The following CTSB variants were observed in gnomAD, a reference collection of about 807,000 sequenced individuals.
CTSB encodes the protein APP secretase.
Under a neutral mutation model 44.3 loss-of-function variants are expected in CTSB, and 57 were observed. That is an observed-to-expected ratio of 1.29 (90% CI 1.04 to 1.60). The LOEUF is 1.60. CTSB is among the 40% of genes most tolerant of loss of function. The probability of loss-of-function intolerance (pLI) is 0.00; values close to 1 mark genes in which losing one functional copy is unlikely to be tolerated. For synonymous variants in CTSB, 320 were observed against 168.0 expected (o/e 1.91, Z -7.00); for missense variants, 768 against 443.0 (o/e 1.73, Z -6.59).
intron 8 of CTSB, 108 bp from the exon 9 acceptor site, chr8:11,845,897 G>C (rs1586078494): frequency 1.5e-6 from 2 of 1,349,586 alleles, no homozygotes; most frequent in East Asian, 2.6e-5. Context: ...ACAGCTTCCA[G>C]AGGGAACCTG....
Position 11,847,975 on chromosome 8 carries a change from C to A in CTSB, c.532+92G>T. ...GCACCTCTCAGCAGCCCCTCTGTCT[C>A]AACCCCCAGTTTATAAAGGCAAATA... On this transcript the variant is annotated intron_variant, in intron 6 of 9. Coordinates refer to ENST00000353047, the MANE Select transcript of CTSB (RefSeq NM_001908.5). 4 of 1,363,652 alleles carry A rather than the reference C, an allele frequency of 2.9e-6. No individual in the cohort carries two copies. The South Asian group carries it at 5.2e-5, about 18-fold the overall frequency. 84.5% of individuals were successfully genotyped at this position (1,363,652 alleles called of 1,614,324 possible).
At position 11,862,179 on chromosome 8, in the gene CTSB, C is replaced by T. The variant is rs1485107604; in HGVS notation, c.-26+5822G>A. Among the ~76,000 whole-genome samples the T allele has an allele frequency of 2.7e-5, 4 of 150,168 alleles. No individual in the cohort carries two copies. In the East Asian group the frequency reaches 5.9e-4, roughly 22 times the overall value. ...CCGAGATCACGCCACTGCACTCCAG[C>T]CTGGGCGACAGAGTCAGACTCCATC... On this transcript the variant is annotated intron_variant, in intron 1 of 9. Coordinates refer to ENST00000353047, the MANE Select transcript of CTSB (RefSeq NM_001908.5).
At position 11,853,609 on chromosome 8, in the gene CTSB, G is replaced by A. The variant is rs1014584287; in HGVS notation, c.-25-130C>T. ...CCTGGCCCAGGCGGAGAACTCTTAA[G>A]GAGCTGAGGTGTCTATGGGATCCCC... On this transcript the variant is annotated intron_variant, in intron 1 of 9. Coordinates refer to ENST00000353047, the MANE Select transcript of CTSB (RefSeq NM_001908.5). 16 of 888,868 alleles carry A rather than the reference G, an allele frequency of 1.8e-5. No individual in the cohort carries two copies. In the Admixed American group the frequency reaches 4.1e-4, roughly 23 times the overall value. The allele number at this position is 888,868 out of a possible 1,614,324, so 55.1% of individuals were successfully genotyped here.
rs572847406 is a variant in CTSB at position 11,850,332 on chromosome 8, T to C, written c.327+534A>G. On this transcript the variant is annotated intron_variant, in intron 4 of 9. Coordinates refer to ENST00000353047, the MANE Select transcript of CTSB (RefSeq NM_001908.5). ...TACTGGGGAGACTGAGGCAGGAGAA[T>C]TGCTTGAACCCAGGAGGCAGAGGTT... 2.0e-5 allele frequency among the ~76,000 whole-genome samples: 3 copies of C among 146,568 alleles called. No individual in the cohort carries two copies. In the South Asian group the frequency reaches 6.4e-4, roughly 31 times the overall value.
intron 1 of CTSB, among the ~76,000 whole-genome samples, chr8:11,854,268 C>G (rs931686498): frequency 6.6e-6 from 1 of 152,142 alleles, no homozygotes; most frequent in Non-Finnish European, 1.5e-5. Context: ...GCAGGGGTTC[C>G]TGTCAGTCAC....
chr8:11,845,946 C>T (rs924830625), intron 8 of CTSB, among the ~76,000 whole-genome samples, 157 bp from the exon 9 acceptor site: 43 of 152,196 alleles, frequency 2.8e-4, no homozygotes, highest in African/African-American at 8.7e-4. Flanking sequence ...TCCCACAATA[C>T]TGGGGAATTA....
intron 1 of CTSB, among the ~76,000 whole-genome samples, chr8:11,866,804 G>A (rs763398232): frequency 2.0e-5 from 3 of 152,230 alleles, no homozygotes; most frequent in Non-Finnish European, 4.4e-5. Context: ...AAGTTGTAGT[G>A]AGCCGAGATC....
At chr8:11,848,203 T>A (rs555717767) in intron 5 of CTSB, 51 bp from the exon 6 acceptor site, 331 of 1,513,622 alleles carry the variant, frequency 2.2e-4, no homozygotes, top group Admixed American at 3.3e-4. Context: ...CCACCAGCTC[T>A]CCAGACCACT....
chr8:11,850,872 G>A lies in CTSB; in HGVS notation c.321C>T (p.Ser107=), dbSNP rs1814460848. ...CCAGCCAGCAGGGCCTTACCCAGCA[G>A]GAGCCACAGGAGCCCTGGTCTCTGA... is the stretch of plus-strand genomic sequence containing the variant. ...KEIRDQGSCG[S]CWAFGAVEAI... Residue 107 remains serine, a synonymous_variant, in exon 4 of 10, where the codon TCC becomes TCT. Coordinates refer to ENST00000353047, the MANE Select transcript of CTSB (RefSeq NM_001908.5). 1 of 1,611,736 alleles carries A rather than the reference G, an allele frequency of 6.2e-7. No individual in the cohort carries two copies. Among genetic ancestry groups the A allele is most frequent in the Non-Finnish European group, 8.5e-7 (1 of 1,178,378 alleles).
At chr8:11,855,432 G>A (rs576838365) in intron 1 of CTSB, among the ~76,000 whole-genome samples, 1 of 152,310 alleles carries the variant, frequency 6.6e-6, no homozygotes, top group Non-Finnish European at 1.5e-5. Flanking sequence ...CAAGGCAAGT[G>A]GATCACTTGA....
chr8:11,842,656 G>C lies in CTSB; in HGVS notation c.*2469C>G, dbSNP rs1291561231. 4 of 151,158 alleles carry C rather than the reference G, an allele frequency of 2.6e-5. No individual in the cohort carries two copies. Among genetic ancestry groups the C allele is most frequent in the Non-Finnish European group, 4.4e-5 (3 of 67,840 alleles). The allele number at this position is 151,158 out of a possible 1,614,324, so 9.4% of individuals were successfully genotyped here. A position where few individuals can be genotyped will look rare whatever the true frequency, so the allele number is the denominator to read the frequency against. On this transcript the variant is annotated 3_prime_UTR_variant, in exon 10 of 10. Transcript: ENST00000353047. ...TTCTTTTTCTTTTTTTTTTTGGTGA[G>C]ACACAGATTCACTCTTGTCCCCCAG... is the stretch of plus-strand genomic sequence containing the variant.
chr8:11,850,001 G>A (rs918651574), intron 4 of CTSB: 2 of 152,372 alleles, frequency 1.3e-5, no homozygotes, highest in Non-Finnish European at 2.9e-5. Flanking sequence ...GGCTTACCAG[G>A]GGCTACAATA....
rs142988675 is a variant in CTSB at position 11,852,626 on chromosome 8, G to A, written c.196C>T (p.Pro66Ser). ...GGCACTCACCTCTGGGGTGGCTTGG[G>A]CCCACCCAGGAAGGTACCACATAGC... ...KRLCGTFLGG[P>S]KPPQRVMFTE... Residue 66 changes from proline to serine, a missense_variant, in exon 3 of 10, where the codon CCC becomes TCC. By Grantham distance (74) the Pro-to-Ser change is moderately conservative (BLOSUM62 -1). Transcript: ENST00000353047. The A allele has an allele frequency of 4.3e-6, 7 of 1,613,630 alleles. No homozygotes were observed. In the African/African-American group the frequency reaches 6.7e-5, roughly 15 times the overall value.
In CTSB at chr8:11,845,148, C is replaced by T. The variant is rs149786664; in HGVS notation, c.997G>A (p.Asp333Asn). The T allele has an allele frequency of 4.6e-5, 74 of 1,613,504 alleles. No individual in the cohort carries two copies. The highest frequency in any genetic ancestry group is 1.7e-4 in the Middle Eastern group (1 of 6,060). The change falls in exon 10 of 10, where the codon GAT becomes AAT. Residue 333 changes from aspartate (D) to asparagine (N), a missense_variant. Asp to Asn is a conservative substitution (Grantham distance 23, BLOSUM62 1). Transcript: ENST00000353047. Reference protein sequence around the residue: ...SEVVAGIPRTDQYWEKI With the variant: ...SEVVAGIPRTNQYWEKI ...GATTAGATCTTTTCCCAGTACTGAT[C>T]GGTGCGTGGAATTCCAGCCACCACT... is the stretch of plus-strand genomic sequence containing the variant.
At chr8:11,865,211 C>G (rs978355756) in intron 1 of CTSB, among the ~76,000 whole-genome samples, 2 of 152,072 alleles carry the variant, frequency 1.3e-5, no homozygotes, top group African/African-American at 4.8e-5. Context: ...ATCACTCAAC[C>G]GCACATGTTT....
chr8:11,852,772 C>T (rs1228549424), intron 2 of CTSB, 77 bp from the exon 3 acceptor site: 27 of 1,391,322 alleles, frequency 1.9e-5, no homozygotes, highest in Admixed American at 1.2e-4. Context: ...ACACGAAGCC[C>T]AACCCAGGGA....
In CTSB at chr8:11,842,696, G is replaced by C. The variant is rs1812464356; in HGVS notation, c.*2429C>G. 2 of 152,084 alleles carry C rather than the reference G, an allele frequency of 1.3e-5. No homozygotes were observed. Among genetic ancestry groups the C allele is most frequent in the Admixed American group, 6.6e-5 (1 of 15,266 alleles). The allele number at this position is 152,084 out of a possible 1,614,324, so 9.4% of individuals were successfully genotyped here. ...TTGTCCCCCAGGCTGGAGTGCAATGGCGTGATCTCGGCTCACTGCATCCTC... is the reference window on the plus strand; with the variant it reads ...TTGTCCCCCAGGCTGGAGTGCAATGCCGTGATCTCGGCTCACTGCATCCTC... On this transcript the variant is annotated 3_prime_UTR_variant, in exon 10 of 10. Coordinates refer to ENST00000353047, the MANE Select transcript of CTSB (RefSeq NM_001908.5).
intron 4 of CTSB, 155 bp downstream of exon 4, chr8:11,850,711 G>A (rs1047384377): frequency 1.8e-6 from 1 of 551,220 alleles, no homozygotes; most frequent in Non-Finnish European, 3.3e-6. Flanking sequence ...TTCATGGCCA[G>A]AGGGATTGTG....
In CTSB at chr8:11,853,329, C is replaced by T. The variant is rs202194249; in HGVS notation, c.126G>A (p.Gln42=). 1.9e-6 allele frequency: 3 copies of T among 1,613,240 alleles called. No individual in the cohort carries two copies. In the African/African-American group the frequency reaches 4.0e-5, roughly 22 times the overall value. The change falls in exon 2 of 10, where the codon CAG becomes CAA. Residue 42 remains glutamine (Q), a splice_region_variant and synonymous_variant. Transcript: ENST00000353047. Reference sequence around the variant, plus strand: ...CATAGGACGCAGCCCCACAGCCTACCTGCCACGTGGTATTCCGTTTGTTGA... The same window carrying T: ...CATAGGACGCAGCCCCACAGCCTACTTGCCACGTGGTATTCCGTTTGTTGA... ...NYVNKRNTTW[Q]AGHNFYNVDM...
Sources: allele counts gnomAD v4.1 joint callset (sites outside exome capture counted in the v4.1 genomes callset), GRCh38; gene constraint gnomAD v4.1.1; transcripts MANE v1.5; gene names NCBI Gene and HGNC (gene_info 2026-07-23, HGNC 2026-07-21).